Variants in ASAP1 observed in about 807,000 individuals in gnomAD.
ASAP1 encodes the protein arf-GAP with SH3 domain, ANK repeat and PH domain-containing protein 1.
In ASAP1, 43 loss-of-function variants were observed where a neutral mutation model predicts 145.2. That is an observed-to-expected ratio of 0.30 (90% CI 0.23 to 0.38). The LOEUF (loss-of-function observed/expected upper bound fraction) is 0.38, where lower values mean the gene tolerates loss of function less well. Ranked by LOEUF, ASAP1 falls within the 10% of genes least tolerant of loss-of-function variation. The pLI, the probability that ASAP1 is intolerant of heterozygous loss-of-function variation, is 1.00. For missense variants in ASAP1, 1,018 were observed against 1,355.3 expected, an observed-to-expected ratio of 0.75 and a Z score of 3.91; for synonymous variants, 546 against 515.5, an observed-to-expected ratio of 1.06 and a Z score of -0.80.
In ASAP1 at chr8:130,275,480, A is replaced by G. The variant is rs1445327048; in HGVS notation, c.187-38486T>C. Among the ~76,000 whole-genome samples the G allele has an allele frequency of 3.3e-5, 5 of 152,024 alleles. 1 individual carries two copies. The South Asian group carries it at 8.3e-4, about 25-fold the overall frequency. ...TGAGGCGTCCCAGCGCCTGCACACAAAAGCTCTCCTCCTGGCTAGCCTAGG... is the reference window on the plus strand; with the variant it reads ...TGAGGCGTCCCAGCGCCTGCACACAGAAGCTCTCCTCCTGGCTAGCCTAGG... On this transcript the variant is annotated intron_variant, in intron 3 of 29. Transcript: ENST00000518721.
chr8:130,131,397 T>C (rs967046910), intron 15 of ASAP1, among the ~76,000 whole-genome samples: 3 of 151,960 alleles, frequency 2.0e-5, no homozygotes, highest in Non-Finnish European at 4.4e-5. Context: ...CTCTGAGGCA[T>C]GTGCTTTCTT....
chr8:130,421,833 A>C (rs1829731223), intron 1 of ASAP1, among the ~76,000 whole-genome samples: 1 of 152,224 alleles, frequency 6.6e-6, no homozygotes, highest in Non-Finnish European at 1.5e-5. Flanking sequence ...CAGTCTCCTT[A>C]ATATGTGTCT....
intron 27 of ASAP1, among the ~76,000 whole-genome samples, chr8:130,066,340 C>A (rs1489586833): frequency 6.6e-6 from 1 of 152,148 alleles, no homozygotes; most frequent in African/African-American, 2.4e-5. Context: ...TATAGCACAG[C>A]CCACCTGCCT....
At chr8:130,414,222 G>A (rs549642634) in intron 1 of ASAP1, among the ~76,000 whole-genome samples, 65 of 152,322 alleles carry the variant, frequency 4.3e-4, no homozygotes, top group Non-Finnish European at 8.4e-4. Flanking sequence ...TTGGACGAAT[G>A]TTTGCTGACC....
At chr8:130,254,068 A>G (rs1352219375) in intron 3 of ASAP1, among the ~76,000 whole-genome samples, 2 of 152,150 alleles carry the variant, frequency 1.3e-5, no homozygotes, top group African/African-American at 4.8e-5. Flanking sequence ...ATACATACAG[A>G]ATAATTCAAC....
At chr8:130,172,837 T>C (rs1197402998) in intron 9 of ASAP1, among the ~76,000 whole-genome samples, 1 of 152,220 alleles carries the variant, frequency 6.6e-6, no homozygotes, top group Non-Finnish European at 1.5e-5. Flanking sequence ...TTCCTGCCAA[T>C]TACAAGGCTG....
At chr8:130,339,163 C>T (rs992654696) in intron 3 of ASAP1, among the ~76,000 whole-genome samples, 7 of 152,190 alleles carry the variant, frequency 4.6e-5, no homozygotes, top group African/African-American at 1.7e-4. Flanking sequence ...GCCATAGACA[C>T]GAATCATCTC....
Position 130,180,758 on chromosome 8 carries a change from AT to A in ASAP1, c.652del (p.Met218CysfsTer24), listed in dbSNP as rs1170003363. The A allele has an allele frequency of 6.2e-7, 1 of 1,610,882 alleles. No homozygotes were observed. On this transcript the variant is annotated frameshift_variant, in exon 8 of 30. Transcript: ENST00000518721. LOFTEE classifies it high-confidence loss of function. The stretch of plus-strand genomic sequence containing the variant: ...GGAAAAGTCCATTCTTACTTCACAC[AT>A]TTGGAGCTGAAAGAGGCGCCTTTCC... ...EKERRLFQLQMCEYLIKVNEI... is the reference protein window; with the variant it reads ...EKERRLFQLQXCEYLIKVNEI...
intron 24 of ASAP1, among the ~76,000 whole-genome samples, chr8:130,102,261 GAT>G (rs1185143652): frequency 3.3e-5 from 5 of 152,162 alleles, no homozygotes; most frequent in African/African-American, 4.8e-5. Flanking sequence ...ATTATTTTGA[GAT>G]ATGTTCCTTC....
intron 4 of ASAP1, among the ~76,000 whole-genome samples, chr8:130,228,787 A>C (rs2136581632): frequency 6.6e-6 from 1 of 152,138 alleles, no homozygotes; most frequent in South Asian, 2.1e-4. Flanking sequence ...AATGGGAAAA[A>C]ACCTTTAAAA....
intron 5 of ASAP1, among the ~76,000 whole-genome samples, chr8:130,195,689 G>A (rs1013446242): frequency 1.9e-4 from 29 of 152,138 alleles, no homozygotes; most frequent in African/African-American, 6.3e-4. Flanking sequence ...GAGGGAGGCC[G>A]AGGTCTATCT....
intron 1 of ASAP1, among the ~76,000 whole-genome samples, chr8:130,417,580 T>C (rs1360171895): frequency 6.6e-6 from 1 of 151,128 alleles, no homozygotes; most frequent in Non-Finnish European, 1.5e-5. Context: ...CTAGACATGC[T>C]TCATGAGACA....
chr8:130,160,134 C>T, intron 11 of ASAP1, 170 bp from the exon 12 acceptor site: 1 of 598,670 alleles, frequency 1.7e-6, no homozygotes. Context: ...GGCAGCTAAA[C>T]ACTTGCCAGA....
intron 12 of ASAP1, among the ~76,000 whole-genome samples, chr8:130,159,121 G>A (rs2097663923): frequency 6.6e-6 from 1 of 152,164 alleles, no homozygotes; most frequent in Non-Finnish European, 1.5e-5. Context: ...AGACCAGTTA[G>A]GAGGCCGCTG....
chr8:130,238,075 G>A (rs979618023), intron 3 of ASAP1, among the ~76,000 whole-genome samples: 6 of 152,112 alleles, frequency 3.9e-5, no homozygotes, highest in South Asian at 2.1e-4. Context: ...TGAAGAAGCC[G>A]AAAGGGATAA....
intron 1 of ASAP1, among the ~76,000 whole-genome samples, chr8:130,441,797 C>T (rs1256366149): frequency 1.3e-5 from 2 of 152,294 alleles, no homozygotes; most frequent in East Asian, 3.9e-4. Flanking sequence ...TTCTCTCCAA[C>T]ATTATCACAT....
intron 8 of ASAP1, 44 bp downstream of exon 8, chr8:130,180,707 A>C: frequency 6.3e-7 from 1 of 1,587,910 alleles, no homozygotes; most frequent in Non-Finnish European, 8.5e-7. Flanking sequence ...AAAAGATCAC[A>C]GTTGTTATAA....
intron 4 of ASAP1, among the ~76,000 whole-genome samples, chr8:130,220,376 TCTTA>T (rs1817216532): frequency 6.6e-6 from 1 of 152,204 alleles, no homozygotes; most frequent in Non-Finnish European, 1.5e-5. Context: ...CTTCATTCAC[TCTTA>T]CTAACAGTCC....
chr8:130,221,647 T>G (rs1817301460), intron 4 of ASAP1, among the ~76,000 whole-genome samples: 1 of 152,194 alleles, frequency 6.6e-6, no homozygotes, highest in Non-Finnish European at 1.5e-5. Flanking sequence ...TTCTTTTCCG[T>G]GAGGCCCCTT....
Sources: gnomAD v4.1 joint callset for allele counts (sites outside exome capture counted in the v4.1 genomes callset) on GRCh38, gnomAD v4.1.1 for gene constraint, MANE v1.5 for transcripts, NCBI Gene and HGNC (gene_info 2026-07-23, HGNC 2026-07-21) for gene names.